Variants in CFAP90 observed in about 807,000 individuals in gnomAD.
CFAP90 encodes the protein cilia and flagella associated protein 90, also known as cilia- and flagella-associated protein 90.
chr5:7,844,311 CA>C, the CFAP90 span, among the ~76,000 whole-genome samples: 1 of 152,200 alleles, frequency 6.6e-6, no homozygotes, highest in African/African-American at 2.4e-5. Flanking sequence ...ATAAGCAAAG[CA>C]GCAGATAATC....
chr5:7,850,773 G>T, the CFAP90 span: 1 of 1,175,730 alleles, frequency 8.5e-7, no homozygotes. Flanking sequence ...CCCCTCCGCG[G>T]CCGCCCGCCC....
chr5:7,835,899 C>A, the CFAP90 span, among the ~76,000 whole-genome samples: 1 of 152,246 alleles, frequency 6.6e-6, no homozygotes, highest in African/African-American at 2.4e-5. Context: ...GACTTATAGG[C>A]AACAGCAGTG....
chr5:7,850,359 A>T, the CFAP90 span, among the ~76,000 whole-genome samples: 2 of 82,360 alleles, frequency 2.4e-5, no homozygotes, highest in African/African-American at 9.6e-5. Context: ...CCCTGCCCCC[A>T]GGGTCCCTGC....
chr5:7,840,015 C>A, the CFAP90 span, among the ~76,000 whole-genome samples: 1 of 151,526 alleles, frequency 6.6e-6, no homozygotes, highest in Non-Finnish European at 1.5e-5. Flanking sequence ...CAAGATGATA[C>A]TAATAAAAAC....
chr5:7,831,648 T>G, the CFAP90 span: 2 of 524,546 alleles, frequency 3.8e-6, no homozygotes, highest in East Asian at 2.9e-5. Flanking sequence ...ACTAAAGGTG[T>G]TGTTGGTCAG....
At chr5:7,850,832 CCGCCCA>C in the CFAP90 span, 1 of 994,310 alleles carries the variant, frequency 1.0e-6, no homozygotes. Context: ...AGCCGCCCAG[CCGCCCA>C]GCCTTCCGGT....
At chr5:7,833,939 A>C in the CFAP90 span, among the ~76,000 whole-genome samples, 2 of 152,240 alleles carry the variant, frequency 1.3e-5, no homozygotes, top group African/African-American at 4.8e-5. Flanking sequence ...GGCCAGTCAT[A>C]TAAAACATAG....
the CFAP90 span, among the ~76,000 whole-genome samples, chr5:7,843,324 G>GT: frequency 3.3e-5 from 5 of 152,062 alleles, no homozygotes; most frequent in Non-Finnish European, 5.9e-5. Flanking sequence ...ACAATGTTAG[G>GT]TTTTTTTGAA....
chr5:7,837,456 A>ATCTCCAACAG, the CFAP90 span, among the ~76,000 whole-genome samples: 1 of 152,172 alleles, frequency 6.6e-6, no homozygotes, highest in Admixed American at 6.5e-5. Context: ...TAGTGATGCT[A>ATCTCCAACAG]GAATGATTCC....
At chr5:7,844,405 C>T in the CFAP90 span, among the ~76,000 whole-genome samples, 269 of 152,274 alleles carry the variant, frequency 1.8e-3, 1 homozygote, top group African/African-American at 6.1e-3. Flanking sequence ...ATTGGCTTTC[C>T]GATTATTCAT....
At chr5:7,845,267 A>C in the CFAP90 span, among the ~76,000 whole-genome samples, 3 of 152,200 alleles carry the variant, frequency 2.0e-5, no homozygotes, top group Non-Finnish European at 4.4e-5. Flanking sequence ...TTACAATTGG[A>C]GATGAGATTT....
chr5:7,835,497 G>C, the CFAP90 span: 1 of 1,512,550 alleles, frequency 6.6e-7, no homozygotes, highest in South Asian at 1.2e-5. Context: ...AATAATTCCT[G>C]TCTAGGAAAA....
At chr5:7,832,177 G>T in the CFAP90 span, 7 of 708,564 alleles carry the variant, frequency 9.9e-6, no homozygotes, top group Non-Finnish European at 1.4e-5. Context: ...CTGAAGCCAG[G>T]GGCTTCACAG....
At chr5:7,839,811 C>A in the CFAP90 span, among the ~76,000 whole-genome samples, 1 of 152,022 alleles carries the variant, frequency 6.6e-6, no homozygotes, top group South Asian at 2.1e-4. Context: ...TCAGAACTTT[C>A]CAGAGTAAAA....
chr5:7,833,661 G>T, the CFAP90 span, among the ~76,000 whole-genome samples: 1 of 152,166 alleles, frequency 6.6e-6, no homozygotes, highest in Admixed American at 6.5e-5. Context: ...ACACATGTAT[G>T]CCTATATACA....
At chr5:7,831,830 C>G in the CFAP90 span, 1 of 1,600,332 alleles carries the variant, frequency 6.2e-7, no homozygotes, top group South Asian at 1.1e-5. Context: ...CGGACATGCC[C>G]TGTGGGCCAC....
chr5:7,840,424 T>C, the CFAP90 span, among the ~76,000 whole-genome samples: 15 of 151,726 alleles, frequency 9.9e-5, no homozygotes, highest in African/African-American at 3.6e-4. Flanking sequence ...AAATGGGGAG[T>C]CCCTACCTTA....
the CFAP90 span, among the ~76,000 whole-genome samples, chr5:7,846,154 C>T: frequency 3.9e-5 from 6 of 152,028 alleles, no homozygotes; most frequent in African/African-American, 1.5e-4. Context: ...GCACCATTTG[C>T]CTCAAAGGTG....
At chr5:7,837,084 A>G in the CFAP90 span, among the ~76,000 whole-genome samples, 16 of 152,178 alleles carry the variant, frequency 1.1e-4, no homozygotes, top group Admixed American at 8.5e-4. Flanking sequence ...CCATATATAT[A>G]TGAATACATA....
Sources: allele counts gnomAD v4.1 joint callset (sites outside exome capture counted in the v4.1 genomes callset), GRCh38; gene constraint gnomAD v4.1.1; transcripts MANE v1.5; gene names NCBI Gene and HGNC (gene_info 2026-07-23, HGNC 2026-07-21).